RNF141: variants seen among roughly 807,000 people sequenced by gnomAD.
RNF141 encodes ring finger protein 141.
RNF141 carries 18 observed loss-of-function variants against 27.4 expected under a neutral mutation model. The observed-to-expected ratio is 0.66, with a 90% CI of 0.45 to 0.97. The LOEUF (loss-of-function observed/expected upper bound fraction) is 0.97. Among genes scored for constraint, RNF141 ranks in the 50% least tolerant of loss-of-function variants. The pLI is 0.00. For synonymous variants in RNF141, 97 were observed against 96.6 expected, an observed-to-expected ratio of 1.00 and a Z score of -0.02; for missense variants, 230 against 279.4, an observed-to-expected ratio of 0.82 and a Z score of 1.26.
chr11:10,524,050 A>G (rs1416796781), intron 4 of RNF141, among the ~76,000 whole-genome samples: 1 of 152,248 alleles, frequency 6.6e-6, no homozygotes, highest in East Asian at 1.9e-4. Flanking sequence ...GTTTAACTGT[A>G]ACATAGTGCT....
rs1482433509 is a variant in RNF141, at chr11:10,513,163, G to A, written c.*1753C>T. On this transcript the variant is annotated 3_prime_UTR_variant, in exon 6 of 6. Transcript: ENST00000265981. Reference sequence around the variant, plus strand: ...CTCTGCTTGCATAAACCTCCATAGGGAGTAGTTAGCTATTTGGTACTTAGC... The same window carrying A: ...CTCTGCTTGCATAAACCTCCATAGGAAGTAGTTAGCTATTTGGTACTTAGC... 3.3e-5 allele frequency: 5 copies of A among 152,194 alleles called. No homozygotes were observed. The highest frequency in any genetic ancestry group is 1.2e-4 in the African/African-American group (5 of 41,450). 9.4% of individuals were successfully genotyped at this position (152,194 alleles called of 1,614,324 possible). A position where few individuals can be genotyped will look rare whatever the true frequency, so the allele number is the denominator to read the frequency against.
intron 5 of RNF141, among the ~76,000 whole-genome samples, chr11:10,518,147 G>A (rs1206032526): frequency 6.6e-6 from 1 of 152,086 alleles, no homozygotes. Context: ...GCTAGTGGGG[G>A]TGTAAAATGG....
rs1295122429 is a variant in RNF141 at position 10,513,966 on chromosome 11, GCA to G, written c.*948_*949del. 6.6e-6 allele frequency: 1 copy of G among 152,178 alleles called. No homozygotes were observed. The highest frequency in any genetic ancestry group is 1.5e-5 in the Non-Finnish European group (1 of 68,046). The allele number at this position is 152,178 out of a possible 1,614,324, so 9.4% of individuals were successfully genotyped here. A position where few individuals can be genotyped will look rare whatever the true frequency, so the allele number is the denominator to read the frequency against. ...GCTGGGATTACAGGTGTGAACCACT[GCA>G]CTGGCCTCTTGTCTCTTAATCTAAG... On this transcript the variant is annotated 3_prime_UTR_variant, in exon 6 of 6. Transcript: ENST00000265981.
At chr11:10,518,365 T>TAAAC (rs1241372188) in intron 5 of RNF141, 3 of 152,058 alleles carry the variant, frequency 2.0e-5, no homozygotes, top group Non-Finnish European at 4.4e-5. Context: ...AATAGGTGAA[T>TAAAC]AAACAAGCTA....
chr11:10,534,225 G>GTTA lies in RNF141; in HGVS notation c.-47-23_-47-21dup. 1 of 1,534,598 alleles carries GTTA rather than the reference G, an allele frequency of 6.5e-7. No homozygotes were observed. Among genetic ancestry groups the GTTA allele is most frequent in the Non-Finnish European group, 8.8e-7 (1 of 1,132,460 alleles). Reference sequence around the variant, plus strand: ...TAGTTTCTGTCAAATATACAGAAAAGTTACTTTTACATATTATACAAAAAC... The same window carrying GTTA: ...TAGTTTCTGTCAAATATACAGAAAAGTTATTACTTTTACATATTATACAAAAAC... On this transcript the variant is annotated intron_variant, in intron 1 of 5. Transcript: ENST00000265981.
At chr11:10,517,066 C>A (rs866679085) in intron 5 of RNF141, 2 of 151,010 alleles carry the variant, frequency 1.3e-5, no homozygotes, top group Non-Finnish European at 3.0e-5. Context: ...ATCATAACCA[C>A]CCAGAACTAA....
Position 10,521,249 on chromosome 11 carries a change from GCT to G in RNF141, c.435-2110_435-2109del, listed in dbSNP as rs1849885687. Among the ~76,000 whole-genome samples, 4 of 152,236 alleles carry G rather than the reference GCT, an allele frequency of 2.6e-5. No individual in the cohort carries two copies. The South Asian group carries it at 8.3e-4, about 32-fold the overall frequency. The stretch of plus-strand genomic sequence containing the variant: ...CAGCTCAAAACATCATCATCTCTCT[GCT>G]CTCAAAATCAACACTTGCCTCAATG... On this transcript the variant is annotated intron_variant, in intron 4 of 5. Transcript: ENST00000265981.
intron 2 of RNF141, among the ~76,000 whole-genome samples, chr11:10,533,415 T>C (rs1850006476): frequency 6.6e-6 from 1 of 151,638 alleles, no homozygotes; most frequent in African/African-American, 2.4e-5. Context: ...AAGAGTTAAG[T>C]AGAAATTTAA....
intron 1 of RNF141, among the ~76,000 whole-genome samples, chr11:10,537,202 C>T (rs1850045082): frequency 6.6e-6 from 1 of 152,102 alleles, no homozygotes; most frequent in African/African-American, 2.4e-5. Context: ...CATGTGAGCT[C>T]CCTCTCATTG....
intron 3 of RNF141, among the ~76,000 whole-genome samples, chr11:10,527,824 G>A (rs1399022077): frequency 1.3e-5 from 2 of 152,120 alleles, no homozygotes; most frequent in African/African-American, 2.4e-5. Flanking sequence ...TGGTGATAGA[G>A]GATGGTCACT....
chr11:10,518,142 T>TG lies in RNF141; in HGVS notation c.542+891dup, dbSNP rs1338802509. ...TCAATGCAATCTCATATGCTGCTAG[T>TG]GGGGGTGTAAAATGGCACAAGACTG... On this transcript the variant is annotated intron_variant, in intron 5 of 5. Coordinates refer to ENST00000265981, the MANE Select transcript of RNF141 (RefSeq NM_016422.4). 5.3e-5 allele frequency among the ~76,000 whole-genome samples: 8 copies of TG among 152,226 alleles called. No individual in the cohort carries two copies. The East Asian group carries it at 1.5e-3, about 29-fold the overall frequency.
At chr11:10,519,831 TGA>T (rs1208378186) in intron 4 of RNF141, among the ~76,000 whole-genome samples, 8 of 152,132 alleles carry the variant, frequency 5.3e-5, no homozygotes, top group Non-Finnish European at 8.8e-5. Flanking sequence ...TTGCTCTAGG[TGA>T]GTCAGTGAGT....
chr11:10,537,153 T>C (rs1850044621), intron 1 of RNF141, among the ~76,000 whole-genome samples: 1 of 152,210 alleles, frequency 6.6e-6, no homozygotes, highest in Non-Finnish European at 1.5e-5. Context: ...CAGTTGATGA[T>C]AAGCATGTCG....
intron 3 of RNF141, among the ~76,000 whole-genome samples, chr11:10,529,119 T>G (rs909271963): frequency 6.6e-6 from 1 of 152,220 alleles, no homozygotes. Context: ...GAACCTTATT[T>G]TGTTTTTGTG....
intron 5 of RNF141, chr11:10,517,661 G>A (rs1849853322): frequency 6.6e-6 from 1 of 152,072 alleles, no homozygotes; most frequent in South Asian, 2.1e-4. Context: ...GGATGACAGA[G>A]TTCTCATTAG....
At chr11:10,520,747 A>C (rs1398047667) in intron 4 of RNF141, among the ~76,000 whole-genome samples, 2 of 152,246 alleles carry the variant, frequency 1.3e-5, no homozygotes, top group African/African-American at 4.8e-5. Context: ...CATCACCAAG[A>C]ACATTTGAGT....
chr11:10,526,599 C>T lies in RNF141; in HGVS notation c.253-1226G>A, dbSNP rs139939161. Among the ~76,000 whole-genome samples, 111 of 151,952 alleles carry T rather than the reference C, an allele frequency of 7.3e-4. 3 individuals are homozygous for T. The East Asian group carries it at 0.02, about 27-fold the overall frequency. ...GAGATTGAGACCATCCTGGCTAACA[C>T]GGTGAAACCCCATCTCTACTAAAAG... On this transcript the variant is annotated intron_variant, in intron 3 of 5. Coordinates refer to ENST00000265981, the MANE Select transcript of RNF141 (RefSeq NM_016422.4).
At chr11:10,518,215 C>G (rs894395197) in intron 5 of RNF141, 1 of 152,032 alleles carries the variant, frequency 6.6e-6, no homozygotes, top group Non-Finnish European at 1.5e-5. Context: ...CACACACATA[C>G]CATATGATCT....
chr11:10,530,664 A>G lies in RNF141; in HGVS notation c.231T>C (p.Val77=). Residue 77 remains valine, a synonymous_variant, in exon 3 of 6, where the codon GTT becomes GTC. Transcript: ENST00000265981. ...GSDSSAFWKV[V]VRVVCTKINK... ...TCACCTTGGTACAGACCACCCGTAC[A>G]ACCACTTTCCAAAAAGCAGAGGAAT... The G allele has an allele frequency of 6.2e-7, 1 of 1,610,304 alleles. No homozygotes were observed. The highest frequency in any genetic ancestry group is 1.1e-5 in the South Asian group (1 of 90,698).
Sources: gnomAD v4.1 joint callset for allele counts (sites outside exome capture counted in the v4.1 genomes callset) on GRCh38, gnomAD v4.1.1 for gene constraint, MANE v1.5 for transcripts, NCBI Gene and HGNC (gene_info 2026-07-23, HGNC 2026-07-21) for gene names.